Variants in CHST9 observed in about 807,000 individuals in gnomAD.
CHST9 encodes the protein carbohydrate sulfotransferase 9, also known as GalNAc-4-sulfotransferase 2.
In CHST9, 41 loss-of-function variants were observed where a neutral mutation model predicts 44.4. The ratio of observed to expected loss-of-function variants is 0.92; its 90% CI spans 0.72 to 1.20. The LOEUF is 1.20. Ranked by LOEUF, CHST9 falls within the 50% of genes most tolerant of loss-of-function variation. The pLI is 0.00. For missense variants in CHST9, 504 were observed against 516.5 expected (o/e 0.98, Z 0.23); for synonymous variants, 171 against 178.4 (o/e 0.96, Z 0.33).
chr18:26,917,140 A>G lies in CHST9; in HGVS notation c.451T>C (p.Trp151Arg), dbSNP rs374131760. The change falls in exon 6 of 6, where the codon TGG becomes CGG. Residue 151 changes from tryptophan to arginine, a missense_variant. Coordinates refer to ENST00000618847, the MANE Select transcript of CHST9 (RefSeq NM_031422.6). ...TVFNKFSNMN[W>R]PVDIHPLNKS... is the part of the protein sequence containing the mutation. ...TTTAAAGGGTGAATGTCCACTGGCC[A>G]ATTCATGTTGCTGAACTTGTTAAAA... The G allele has an allele frequency of 1.7e-5, 27 of 1,613,826 alleles. No individual in the cohort carries two copies. In the East Asian group the frequency reaches 3.3e-4, roughly 20 times the overall value.
intron 2 of CHST9, among the ~76,000 whole-genome samples, chr18:27,140,173 G>A (rs528216660): frequency 1.9e-4 from 29 of 152,244 alleles, no homozygotes; most frequent in South Asian, 6.2e-4. Context: ...GAGCAGAGGC[G>A]TGGACCTCGT....
At chr18:26,919,245 A>T (rs915603178) in intron 5 of CHST9, among the ~76,000 whole-genome samples, 1 of 151,958 alleles carries the variant, frequency 6.6e-6, no homozygotes, top group Non-Finnish European at 1.5e-5. Flanking sequence ...TGAAACGGCC[A>T]CTCCAAATCT....
At chr18:27,006,223 T>G (rs2057014165) in intron 4 of CHST9, among the ~76,000 whole-genome samples, 1 of 152,182 alleles carries the variant, frequency 6.6e-6, no homozygotes, top group African/African-American at 2.4e-5. Flanking sequence ...GGTCCACTGC[T>G]CTAGGCTTTA....
At chr18:27,153,149 C>T (rs1292333422) in intron 1 of CHST9, among the ~76,000 whole-genome samples, 1 of 152,082 alleles carries the variant, frequency 6.6e-6, no homozygotes, top group Non-Finnish European at 1.5e-5. Flanking sequence ...GAATGGATTG[C>T]CCCCACCTCC....
intron 2 of CHST9, among the ~76,000 whole-genome samples, chr18:27,079,001 AAGC>A (rs2057935132): frequency 6.6e-6 from 1 of 152,172 alleles, no homozygotes; most frequent in Non-Finnish European, 1.5e-5. Context: ...TCAGTTCCTA[AAGC>A]CATGAGCAAT....
chr18:27,038,301 T>C (rs1010539435), intron 3 of CHST9, among the ~76,000 whole-genome samples: 1 of 152,132 alleles, frequency 6.6e-6, no homozygotes, highest in African/African-American at 2.4e-5. Context: ...ATCCCAGCAT[T>C]TTGGGAGGCT....
intron 1 of CHST9, among the ~76,000 whole-genome samples, chr18:27,143,665 T>C (rs1479822621): frequency 2.0e-5 from 3 of 152,098 alleles, no homozygotes; most frequent in African/African-American, 7.2e-5. Flanking sequence ...TAGAAAAGAT[T>C]TACAAAATCT....
chr18:27,145,666 G>A (rs1169063770), intron 1 of CHST9, among the ~76,000 whole-genome samples: 1 of 152,174 alleles, frequency 6.6e-6, no homozygotes, highest in Non-Finnish European at 1.5e-5. Flanking sequence ...GATTCAGGTA[G>A]TAAAGAAAGT....
chr18:27,019,911 G>C (rs889231873), intron 4 of CHST9, among the ~76,000 whole-genome samples: 1 of 152,190 alleles, frequency 6.6e-6, no homozygotes, highest in African/African-American at 2.4e-5. Flanking sequence ...AGAAATGGGA[G>C]ACATGTTGAT....
At chr18:27,084,458 GTT>G (rs34987256) in intron 2 of CHST9, among the ~76,000 whole-genome samples, 4 of 143,550 alleles carry the variant, frequency 2.8e-5, no homozygotes, top group Admixed American at 2.1e-4. Context: ...CACTCGCTGG[GTT>G]TTTTTTTTTT....
In CHST9 at chr18:27,059,007, AG is replaced by A. The variant is rs201693698; in HGVS notation, c.122-10505del. Among the ~76,000 whole-genome samples, 1,338 of 152,150 alleles carry A rather than the reference AG, an allele frequency of 8.8e-3. 18 individuals are homozygous for A. Among genetic ancestry groups the A allele is most frequent in the African/African-American group, 0.029 (1,191 of 41,504 alleles). On this transcript the variant is annotated intron_variant, in intron 2 of 5. Transcript: ENST00000618847. ...TCACCTAGATTCCTTCTTTCCTAAG[AG>A]GGTTTGTTCAATATACCTATAAATA...
At chr18:27,012,047 C>T (rs2057091368) in intron 4 of CHST9, among the ~76,000 whole-genome samples, 1 of 152,198 alleles carries the variant, frequency 6.6e-6, no homozygotes, top group Non-Finnish European at 1.5e-5. Flanking sequence ...CTACATGATA[C>T]TGGGGAAAGG....
At chr18:27,064,280 AAT>A in intron 2 of CHST9, among the ~76,000 whole-genome samples, 1 of 151,982 alleles carries the variant, frequency 6.6e-6, no homozygotes, top group South Asian at 2.1e-4. Context: ...AAAAAAAAAA[AAT>A]CAGCTTGTGG....
chr18:26,920,431 C>A (rs1220581667), intron 5 of CHST9, among the ~76,000 whole-genome samples: 1 of 152,146 alleles, frequency 6.6e-6, no homozygotes, highest in African/African-American at 2.4e-5. Context: ...CCTGCAGAAC[C>A]CTGCTTATTT....
chr18:26,931,690 A>G (rs1050610248), intron 5 of CHST9, among the ~76,000 whole-genome samples: 1 of 152,196 alleles, frequency 6.6e-6, no homozygotes, highest in East Asian at 1.9e-4. Flanking sequence ...CTTCAGTTAC[A>G]GGAGACCTCC....
intron 2 of CHST9, among the ~76,000 whole-genome samples, chr18:27,072,727 C>A (rs1450737284): frequency 6.6e-6 from 1 of 152,096 alleles, no homozygotes; most frequent in Non-Finnish European, 1.5e-5. Flanking sequence ...GTAATCCAAG[C>A]CTTGGCAGAA....
At chr18:26,988,169 T>C (rs1000681766) in intron 4 of CHST9, among the ~76,000 whole-genome samples, 2 of 151,642 alleles carry the variant, frequency 1.3e-5, no homozygotes, top group Non-Finnish European at 2.9e-5. Context: ...AAGAGACAAA[T>C]AGAAAGCAAA....
rs752084147 is a variant in CHST9, at chr18:27,142,758, GCA to G, written c.50_51del (p.Val17AlafsTer19). ...AGTAGCCCAGCTACTCCAAATATCA[GCA>G]CAGAGAGGAAGACTTGTTTGGGGTT... ...VMNPKQVFLS[V>X]LIFGVAGLLL... On this transcript the variant is annotated frameshift_variant, in exon 2 of 6. Coordinates refer to ENST00000618847, the MANE Select transcript of CHST9 (RefSeq NM_031422.6). LOFTEE classifies it high-confidence loss of function. 1.4e-4 allele frequency: 218 copies of G among 1,611,800 alleles called. 2 individuals carry two copies. In the East Asian group the frequency reaches 4.3e-3, roughly 32 times the overall value.
In CHST9 at chr18:27,126,666, G is replaced by C. The variant is rs1397885866; in HGVS notation, c.121+16023C>G. On this transcript the variant is annotated intron_variant, in intron 2 of 5. Coordinates refer to ENST00000618847, the MANE Select transcript of CHST9 (RefSeq NM_031422.6). ...CAGAGGCCACATCATGAAGGGTTTT[G>C]ATAGCCTGAGTATGGAGTTGAGGTT... Among the ~76,000 whole-genome samples, 3 of 152,084 alleles carry C rather than the reference G, an allele frequency of 2.0e-5. No individual in the cohort carries two copies. The East Asian group carries it at 5.8e-4, about 29-fold the overall frequency.
Sources: allele counts gnomAD v4.1 joint callset (sites outside exome capture counted in the v4.1 genomes callset), GRCh38; gene constraint gnomAD v4.1.1; transcripts MANE v1.5; gene names NCBI Gene and HGNC (gene_info 2026-07-23, HGNC 2026-07-21).